Variants in USP31 observed in about 807,000 individuals in gnomAD.
USP31 encodes ubiquitin carboxyl-terminal hydrolase 31.
Under a neutral mutation model 119.4 loss-of-function variants are expected in USP31, and 44 were observed. The observed-to-expected ratio is 0.37, with a 90% CI of 0.29 to 0.47. The LOEUF is 0.47. Ranked by LOEUF, USP31 falls within the 20% of genes least tolerant of loss-of-function variation. USP31 has a pLI of 0.99. For missense variants in USP31, 1,643 were observed against 1,730.2 expected (o/e 0.95, Z 0.89); for synonymous variants, 749 against 705.6 (o/e 1.06, Z -0.97).
At chr16:23,087,651 AT>A in intron 8 of USP31, 72 bp downstream of exon 8, 1 of 1,387,526 alleles carries the variant, frequency 7.2e-7, no homozygotes, top group South Asian at 1.3e-5. Context: ...AGAAACTCAA[AT>A]TTCATTGTAA....
rs1902788970 is a variant in USP31 at position 23,124,660 on chromosome 16, G to A, written c.634-16477C>T. Among the ~76,000 whole-genome samples the A allele has an allele frequency of 2.0e-5, 3 of 152,298 alleles. No individual in the cohort carries two copies. In the South Asian group the frequency reaches 6.2e-4, roughly 32 times the overall value. ...TGTAACCCCAGCATGAGGCTGAGAT[G>A]GGTGGATCACCGAAGGTCAGGAGTT... On this transcript the variant is annotated intron_variant, in intron 1 of 15. Coordinates refer to ENST00000219689, the MANE Select transcript of USP31 (RefSeq NM_020718.4).
chr16:23,098,973 G>C (rs1033652023), intron 6 of USP31, among the ~76,000 whole-genome samples: 1 of 152,054 alleles, frequency 6.6e-6, no homozygotes, highest in Non-Finnish European at 1.5e-5. Context: ...CAGACAAATG[G>C]GATCTAATTA....
At chr16:23,084,447 CA>C (rs1395271930) in intron 11 of USP31, among the ~76,000 whole-genome samples, 2 of 152,160 alleles carry the variant, frequency 1.3e-5, no homozygotes, top group Non-Finnish European at 2.9e-5. Context: ...TTATTTACTT[CA>C]CTTAATTTTA....
intron 11 of USP31, among the ~76,000 whole-genome samples, chr16:23,084,431 A>G (rs1000955355): frequency 1.3e-5 from 2 of 152,222 alleles, no homozygotes; most frequent in African/African-American, 4.8e-5. Flanking sequence ...CAACGAAGGA[A>G]CTGAATTATT....
chr16:23,117,848 A>G (rs1902545690), intron 1 of USP31, among the ~76,000 whole-genome samples: 1 of 151,496 alleles, frequency 6.6e-6, no homozygotes, highest in African/African-American at 2.4e-5. Context: ...GGAGCGCAGT[A>G]GTGCAATCTC....
At position 23,149,364 on chromosome 16, in the gene USP31, G is replaced by A. The variant is rs1903651519; in HGVS notation, c.-94C>T. 2.0e-6 allele frequency: 2 copies of A among 989,586 alleles called. No homozygotes were observed. Among genetic ancestry groups the A allele is most frequent in the Non-Finnish European group, 2.4e-6 (2 of 834,610 alleles). 61.3% of individuals were successfully genotyped at this position (989,586 alleles called of 1,614,324 possible). ...GCATCCCGCAGCGCCGCGCCTCACC[G>A]GGCCCGGGGGCTCGACGCCCCACAC... On this transcript the variant is annotated 5_prime_UTR_variant, in exon 1 of 16. Coordinates refer to ENST00000219689, the MANE Select transcript of USP31 (RefSeq NM_020718.4).
At chr16:23,107,646 A>G (rs1386396163) in intron 2 of USP31, among the ~76,000 whole-genome samples, 2 of 152,304 alleles carry the variant, frequency 1.3e-5, no homozygotes, top group Non-Finnish European at 1.5e-5. Context: ...GTCAAATCCA[A>G]TCCCAACAGC....
At chr16:23,108,665 G>A (rs189952545) in intron 1 of USP31, among the ~76,000 whole-genome samples, 1 of 151,854 alleles carries the variant, frequency 6.6e-6, no homozygotes, top group East Asian at 1.9e-4. Flanking sequence ...AATCATTTAG[G>A]GGGGTGTAGA....
chr16:23,117,161 T>G (rs1363913544), intron 1 of USP31, among the ~76,000 whole-genome samples: 4 of 152,212 alleles, frequency 2.6e-5, no homozygotes, highest in Admixed American at 6.5e-5. Context: ...TTTAGGATAC[T>G]CAACCTGTAC....
In USP31 at chr16:23,149,047, A is replaced by T; in HGVS notation, c.224T>A (p.Leu75His). The change falls in exon 1 of 16, where the codon CTC (leucine) becomes CAC (histidine). Residue 75 changes from leucine (L) to histidine (H), a missense_variant. Transcript: ENST00000219689. Reference protein sequence around the residue: ...MSRVLKTLSTLSHLSSEGAAP... With the variant: ...MSRVLKTLSTHSHLSSEGAAP... ...GGCGCCCTCAGAGCTAAGGTGCGAG[A>T]GCGTGGACAGCGTCTTGAGAACGCG... 2 of 1,247,052 alleles carry T rather than the reference A, an allele frequency of 1.6e-6. No homozygotes were observed. Among genetic ancestry groups the T allele is most frequent in the South Asian group, 2.0e-5 (1 of 50,516 alleles). The allele number at this position is 1,247,052 out of a possible 1,614,324, so 77.2% of individuals were successfully genotyped here. A position where few individuals can be genotyped will look rare whatever the true frequency, so the allele number is the denominator to read the frequency against.
Position 23,115,895 on chromosome 16 carries a change from G to A in USP31, c.634-7712C>T. The A allele has an allele frequency of 5.9e-6, 4 of 674,468 alleles. No individual in the cohort carries two copies. In the South Asian group the frequency reaches 2.7e-4, roughly 45 times the overall value. The allele number at this position is 674,468 out of a possible 1,614,324, so 41.8% of individuals were successfully genotyped here. On this transcript the variant is annotated intron_variant, in intron 1 of 15. Coordinates refer to ENST00000219689, the MANE Select transcript of USP31 (RefSeq NM_020718.4). The stretch of plus-strand genomic sequence containing the variant: ...AAGAGCCATAAAATTAGACATGAGG[G>A]TCTTTCTTCCTGTAGAGCCCTAGTA...
At chr16:23,082,829 C>CTTT (rs1388989158) in intron 11 of USP31, among the ~76,000 whole-genome samples, 2 of 116,382 alleles carry the variant, frequency 1.7e-5, no homozygotes, top group South Asian at 2.7e-4. Flanking sequence ...TTCTTTCTCT[C>CTTT]TCTTTTTTTT....
chr16:23,077,186 G>A (rs1007912093), intron 13 of USP31, among the ~76,000 whole-genome samples: 5 of 152,116 alleles, frequency 3.3e-5, no homozygotes, highest in African/African-American at 7.2e-5. Flanking sequence ...CCTTGAAAGC[G>A]CTTCCTACAG....
chr16:23,070,114 A>C (rs1567224159), intron 15 of USP31, among the ~76,000 whole-genome samples: 1 of 152,208 alleles, frequency 6.6e-6, no homozygotes, highest in Non-Finnish European at 1.5e-5. Flanking sequence ...GATTAAATAC[A>C]ACCTTACAAG....
chr16:23,143,573 A>G (rs1256443893), intron 1 of USP31, among the ~76,000 whole-genome samples: 1 of 139,862 alleles, frequency 7.1e-6, no homozygotes, highest in Admixed American at 7.5e-5. Context: ...GGAGAAAGAG[A>G]GAGGGAGAGG....
chr16:23,070,787 T>A (rs551169087), intron 15 of USP31, among the ~76,000 whole-genome samples: 12 of 152,132 alleles, frequency 7.9e-5, no homozygotes, highest in Middle Eastern at 3.4e-3. Context: ...TAAGAAAATA[T>A]TCTAAATTAA....
Position 23,068,404 on chromosome 16 carries a change from C to T in USP31, c.3701G>A (p.Arg1234Lys). Residue 1234 changes from arginine to lysine, a missense_variant, in exon 16 of 16, where the codon AGA becomes AAA. Around this residue, in one of 5 missense-constraint regions of USP31, gnomAD observed 699 missense variants for 650.9 expected, o/e 1.07. Transcript: ENST00000219689. ...KGLSFFKSAL[R>K]QKETRRSTDL... ...CGTCGAGCGCCGGGTTTCCTTCTGT[C>T]TCAAGGCTGATTTGAAGAAGGACAG... 1 of 1,613,918 alleles carries T rather than the reference C, an allele frequency of 6.2e-7. No individual in the cohort carries two copies. Among genetic ancestry groups the T allele is most frequent in the Non-Finnish European group, 8.5e-7 (1 of 1,180,040 alleles).
chr16:23,140,453 G>C (rs990157563), intron 1 of USP31, among the ~76,000 whole-genome samples: 4 of 152,158 alleles, frequency 2.6e-5, no homozygotes, highest in Non-Finnish European at 5.9e-5. Context: ...GCCCAAAATA[G>C]CAAGAGTGCC....
At position 23,148,938 on chromosome 16, in the gene USP31, GGGCGGCGGCGGGCACGGC is replaced by G. The variant is rs1188342837; in HGVS notation, c.315_332del (p.Pro106_Pro111del). The G allele has an allele frequency of 2.4e-5, 27 of 1,122,798 alleles. No homozygotes were observed. Among genetic ancestry groups the G allele is most frequent in the African/African-American group, 3.3e-5 (2 of 60,252 alleles). 69.6% of individuals were successfully genotyped at this position (1,122,798 alleles called of 1,614,324 possible). On this transcript the variant is annotated inframe_deletion, in exon 1 of 16. Coordinates refer to ENST00000219689, the MANE Select transcript of USP31 (RefSeq NM_020718.4). ...CGCAAGCGGGCGGCGCGGGAGAGGC[GGGCGGCGGCGGGCACGGC>G]GGCGGCGTGGGCGCGGCGGCCGGCC...
Sources: gnomAD v4.1 joint callset for allele counts (sites outside exome capture counted in the v4.1 genomes callset) on GRCh38, gnomAD v4.1.1 for gene constraint, gnomAD v4.1.1 regional missense constraint, MANE v1.5 for transcripts, NCBI Gene and HGNC (gene_info 2026-07-23, HGNC 2026-07-21) for gene names.